Variants in GALNT9 observed in about 807,000 individuals in gnomAD.
The protein encoded by GALNT9 is GalNAc transferase 9.
A neutral mutation model predicts 63.1 loss-of-function variants in GALNT9; 47 were observed. That is an observed-to-expected ratio of 0.75 (90% confidence interval 0.59 to 0.95). The LOEUF is 0.95. Ranked by LOEUF, GALNT9 falls within the 40% of genes least tolerant of loss-of-function variation. The probability of loss-of-function intolerance (pLI) is 0.00; values close to 1 mark genes in which losing one functional copy is unlikely to be tolerated. For missense variants in GALNT9, 829 were observed against 874.8 expected (o/e 0.95, Z 0.66); for synonymous variants, 396 against 365.7 (o/e 1.08, Z -0.94).
chr12:132,219,897 C>T (rs113576484), intron 6 of GALNT9, among the ~76,000 whole-genome samples: 7 of 150,190 alleles, frequency 4.7e-5, no homozygotes, highest in South Asian at 2.1e-4. Context: ...AGGGTGACAC[C>T]CGCCTGGGTA....
At position 132,236,363 on chromosome 12, in the gene GALNT9, C is replaced by G. The variant is rs2136894677; in HGVS notation, c.1077+11547G>C. On this transcript the variant is annotated intron_variant, in intron 6 of 10. Coordinates refer to ENST00000328957, the MANE Select transcript of GALNT9 (RefSeq NM_001122636.2). The surrounding 1 kb of genome is among the most constrained non-coding windows in gnomAD (Gnocchi z 5.6). ...ACATCCAGTGTGGGGGCTGCGGGCT[C>G]CAGGCCTGGTGTCTCTGGAGGGGGC... 4.8e-3 allele frequency among the ~76,000 whole-genome samples: 734 copies of G among 152,158 alleles called. 22 individuals carry two copies. The East Asian group carries it at 0.066, about 14-fold the overall frequency.
Position 132,329,054 on chromosome 12 carries a change from T to C in GALNT9, c.150A>G (p.Arg50=). ...CCCCCAGCGTGCCCACCTTGGCGTG[T>C]CGGCTGCGCACCCGGCGGTCGCCGC... is the stretch of plus-strand genomic sequence containing the variant. ...IVSGDRRVRS[R]HAKVGTLGDR... Residue 50 remains arginine, a synonymous_variant, in exon 1 of 11, where the codon CGA becomes CGG. Coordinates refer to ENST00000328957, the MANE Select transcript of GALNT9 (RefSeq NM_001122636.2). The C allele has an allele frequency of 6.5e-7, 1 of 1,546,748 alleles. No homozygotes were observed. The highest frequency in any genetic ancestry group is 1.4e-5 in the African/African-American group (1 of 73,096).
In GALNT9 at chr12:132,199,215, C is replaced by T. The variant is rs372226303; in HGVS notation, c.1456G>A (p.Asp486Asn). 3.8e-5 allele frequency: 61 copies of T among 1,603,994 alleles called. No homozygotes were observed. The East Asian group carries it at 5.1e-4, about 13-fold the overall frequency. Residue 486 changes from aspartate (D) to asparagine (N), a missense_variant, in exon 9 of 11, where the codon GAC becomes AAC. Physicochemically the swap from Asp to Asn is conservative, Grantham distance 23. Coordinates refer to ENST00000328957, the MANE Select transcript of GALNT9 (RefSeq NM_001122636.2). Reference sequence around the variant, plus strand: ...TGGCAGGGGTAGAGGATCGCCCGGTCGCCGTCCTCCGCTCCCTGGTCCAGA... The same window carrying T: ...TGGCAGGGGTAGAGGATCGCCCGGTTGCCGTCCTCCGCTCCCTGGTCCAGA... The part of the protein sequence containing the change: ...YCLDQGAEDG[D>N]RAILYPCHGM...
At position 132,258,694 on chromosome 12, in the gene GALNT9, G is replaced by T. The variant is rs187850209; in HGVS notation, c.762-808C>A. 1.3e-3 allele frequency among the ~76,000 whole-genome samples: 197 copies of T among 152,348 alleles called. 5 individuals are homozygous for T. In the East Asian group the frequency reaches 0.013, roughly 10 times the overall value. On this transcript the variant is annotated intron_variant, in intron 4 of 10. Transcript: ENST00000328957. ...CGATGGGGCAATGGGGGGCGAGGAG[G>T]GCAGAGAGGAAGGTGAGTAGAAGCA... is the stretch of plus-strand genomic sequence containing the variant.
At position 132,310,971 on chromosome 12, in the gene GALNT9, GC is replaced by G. The variant is rs1422036654; in HGVS notation, c.238+17994del. ...TCTCCCTGGGCATGTGGCGCTGGCA[GC>G]CCAAGACAGGGACTCGGCCGCAGCT... is the stretch of plus-strand genomic sequence containing the variant. On this transcript the variant is annotated intron_variant, in intron 1 of 10. Transcript: ENST00000328957. The surrounding 1 kb of genome is among the most constrained non-coding windows in gnomAD (Gnocchi z 4.8). Among the ~76,000 whole-genome samples the G allele has an allele frequency of 6.6e-6, 1 of 152,232 alleles. No individual in the cohort carries two copies. The highest frequency in any genetic ancestry group is 1.5e-5 in the Non-Finnish European group (1 of 68,040).
In GALNT9 at chr12:132,265,471, C is replaced by T. The variant is rs1445790788; in HGVS notation, c.420-2846G>A. ...TCATGTGACTTATTGCAACTAGGAT[C>T]TTTGCAGATGTAATTGAGTTAGGGA... is the stretch of plus-strand genomic sequence containing the variant. On this transcript the variant is annotated intron_variant, in intron 2 of 10. Transcript: ENST00000328957. The surrounding 1 kb of genome is among the most constrained non-coding windows in gnomAD (Gnocchi z 5.3). Among the ~76,000 whole-genome samples, 5 of 152,194 alleles carry T rather than the reference C, an allele frequency of 3.3e-5. No individual in the cohort carries two copies. Among genetic ancestry groups the T allele is most frequent in the Admixed American group, 6.5e-5 (1 of 15,284 alleles).
intron 1 of GALNT9, among the ~76,000 whole-genome samples, chr12:132,300,262 C>A (rs536192852): frequency 1.4e-5 from 2 of 144,004 alleles, no homozygotes; most frequent in Admixed American, 1.4e-4. Context: ...TGATAACTAA[C>A]CCACTCCCAC....
chr12:132,314,943 C>T (rs1555245601), intron 1 of GALNT9, among the ~76,000 whole-genome samples: 1 of 152,224 alleles, frequency 6.6e-6, no homozygotes, highest in Admixed American at 6.5e-5. Context: ...GCAGCGCCAT[C>T]ACTTATCAAG....
intron 1 of GALNT9, among the ~76,000 whole-genome samples, chr12:132,293,738 G>A (rs900382575): frequency 1.2e-4 from 19 of 152,208 alleles, no homozygotes; most frequent in Admixed American, 2.6e-4. Context: ...TACAGCCAGG[G>A]CCAGAACGAG....
intron 6 of GALNT9, among the ~76,000 whole-genome samples, chr12:132,221,738 C>T (rs905200918): frequency 6.6e-6 from 1 of 150,798 alleles, no homozygotes; most frequent in Non-Finnish European, 1.5e-5. Context: ...GAAAGGAATC[C>T]GCAAACGTCA....
intron 1 of GALNT9, among the ~76,000 whole-genome samples, chr12:132,304,239 C>A (rs1459945459): frequency 2.1e-5 from 1 of 48,160 alleles, no homozygotes; most frequent in Non-Finnish European, 3.9e-5. Flanking sequence ...CGGGGCACAC[C>A]CTCACCCAGA....
intron 5 of GALNT9, among the ~76,000 whole-genome samples, chr12:132,251,764 T>A (rs1257432163): frequency 1.3e-5 from 2 of 152,100 alleles, no homozygotes; most frequent in Non-Finnish European, 2.9e-5. Context: ...TCCGAGTGGT[T>A]CTCAGGTGGG....
chr12:132,272,425 T>C (rs1466988003), intron 2 of GALNT9, among the ~76,000 whole-genome samples: 1 of 152,210 alleles, frequency 6.6e-6, no homozygotes, highest in South Asian at 2.1e-4. Flanking sequence ...GCGCTTAAAT[T>C]AGTTCCCGGC....
In GALNT9 at chr12:132,245,812, G is replaced by A. The variant is rs1024705448; in HGVS notation, c.1077+2098C>T. Among the ~76,000 whole-genome samples the A allele has an allele frequency of 1.6e-4, 24 of 152,342 alleles. No homozygotes were observed. The highest frequency in any genetic ancestry group is 5.5e-4 in the African/African-American group (23 of 41,588). On this transcript the variant is annotated intron_variant, in intron 6 of 10. Transcript: ENST00000328957. The surrounding 1 kb of genome is among the most constrained non-coding windows in gnomAD (Gnocchi z 6.3). ...GGGAGCCGATTTTGTTTGGAGGGGA[G>A]GTGGGCGTGTTTCTCCCCTGGGCCC...
intron 6 of GALNT9, among the ~76,000 whole-genome samples, chr12:132,225,106 AC>A (rs1410732535): frequency 1.7e-5 from 2 of 117,596 alleles, no homozygotes; most frequent in Admixed American, 9.6e-5. Flanking sequence ...GTACATACAC[AC>A]CCCCACATAT....
At chr12:132,263,321 C>T (rs1179313308) in intron 2 of GALNT9, among the ~76,000 whole-genome samples, 2 of 152,240 alleles carry the variant, frequency 1.3e-5, no homozygotes, top group African/African-American at 2.4e-5. Context: ...GACAAGAAAA[C>T]GTCACTCCAC....
At position 132,245,657 on chromosome 12, in the gene GALNT9, C is replaced by T. The variant is rs1314191028; in HGVS notation, c.1077+2253G>A. Among the ~76,000 whole-genome samples, 1 of 152,202 alleles carries T rather than the reference C, an allele frequency of 6.6e-6. No individual in the cohort carries two copies. The highest frequency in any genetic ancestry group is 2.4e-5 in the African/African-American group (1 of 41,446). On this transcript the variant is annotated intron_variant, in intron 6 of 10. Transcript: ENST00000328957. This position sits in a 1 kb window ranked among gnomAD's most constrained non-coding sequence, Gnocchi z 6.3. ...CGTGGTCCAGCACCCACACCCCCAG[C>T]CCGGCCTGCTGACCCTCGCCCACCA...
At chr12:132,314,816 C>T (rs1868424142) in intron 1 of GALNT9, among the ~76,000 whole-genome samples, 1 of 152,218 alleles carries the variant, frequency 6.6e-6, no homozygotes, top group Non-Finnish European at 1.5e-5. Flanking sequence ...CCCGTGGAAT[C>T]CTGGCATTCA....
At chr12:132,204,294 C>T (rs1876477934) in intron 6 of GALNT9, among the ~76,000 whole-genome samples, 1 of 152,208 alleles carries the variant, frequency 6.6e-6, no homozygotes, top group African/African-American at 2.4e-5. Context: ...ACCAGCCTTC[C>T]TATACGTGCT....
Sources: allele counts gnomAD v4.1 joint callset (sites outside exome capture counted in the v4.1 genomes callset), GRCh38; gene constraint gnomAD v4.1.1; non-coding constraint Gnocchi (gnomAD v3.1); transcripts MANE v1.5; gene names NCBI Gene and HGNC (gene_info 2026-07-23, HGNC 2026-07-21).